Variants in AKAP6 observed in about 807,000 individuals in gnomAD.
AKAP6 encodes A-kinase anchor protein 6.
A neutral mutation model predicts 188.5 loss-of-function variants in AKAP6; 58 were observed. That is an observed-to-expected ratio of 0.31 (90% CI 0.25 to 0.38). AKAP6 has a LOEUF of 0.38. AKAP6 is among the 10% of genes least tolerant of loss of function. The pLI, the probability that AKAP6 is intolerant of heterozygous loss-of-function variation, is 1.00. For missense variants in AKAP6, 2,710 were observed against 2,740.0 expected (o/e 0.99, Z 0.24); for synonymous variants, 989 against 998.6 (o/e 0.99, Z 0.18).
chr14:32,769,199 C>G (rs1011726512), intron 11 of AKAP6, among the ~76,000 whole-genome samples: 1 of 151,594 alleles, frequency 6.6e-6, no homozygotes, highest in African/African-American at 2.4e-5. Flanking sequence ...AGGCACCCAC[C>G]ACCACACCCA....
At chr14:32,595,176 A>G (rs1885642767) in intron 5 of AKAP6, among the ~76,000 whole-genome samples, 1 of 152,040 alleles carries the variant, frequency 6.6e-6, no homozygotes, top group Non-Finnish European at 1.5e-5. Flanking sequence ...TCAACACTAT[A>G]TGCAACAGCT....
Position 32,568,095 on chromosome 14 carries a change from A to G in AKAP6, c.2347-9025A>G, listed in dbSNP as rs1268745453. On this transcript the variant is annotated intron_variant, in intron 4 of 13. Coordinates refer to ENST00000280979, the MANE Select transcript of AKAP6 (RefSeq NM_004274.5). This position sits in a 1 kb window ranked among gnomAD's most constrained non-coding sequence, Gnocchi z 6.2. ...GAGAGCACAGAGTACAGGAAGAATGATCTAAAATAGGGCTCTGATAGGAAT... is the reference window on the plus strand; with the variant it reads ...GAGAGCACAGAGTACAGGAAGAATGGTCTAAAATAGGGCTCTGATAGGAAT... Among the ~76,000 whole-genome samples, 2 of 152,164 alleles carry G rather than the reference A, an allele frequency of 1.3e-5. No homozygotes were observed. The highest frequency in any genetic ancestry group is 2.1e-4 in the South Asian group (1 of 4,828).
intron 2 of AKAP6, among the ~76,000 whole-genome samples, chr14:32,527,459 C>T (rs894283179): frequency 9.9e-5 from 15 of 152,174 alleles, no homozygotes; most frequent in Non-Finnish European, 2.2e-4. Context: ...GAGTTTTCAA[C>T]TCCTTTGGGT....
At chr14:32,506,572 A>T (rs1224490752) in intron 2 of AKAP6, among the ~76,000 whole-genome samples, 1 of 152,148 alleles carries the variant, frequency 6.6e-6, no homozygotes, top group East Asian at 1.9e-4. Flanking sequence ...GTTGGGTGTC[A>T]TGGCTCACAC....
chr14:32,384,496 C>A (rs8012982), intron 1 of AKAP6, among the ~76,000 whole-genome samples: 5,688 of 152,216 alleles, frequency 0.037, 345 homozygotes, highest in African/African-American at 0.13. Context: ...TACAAGAAGT[C>A]ATAGAATCAT....
At chr14:32,439,706 C>A (rs1890506360) in intron 2 of AKAP6, among the ~76,000 whole-genome samples, 1 of 152,140 alleles carries the variant, frequency 6.6e-6, no homozygotes, top group African/African-American at 2.4e-5. Context: ...ATGGGCATAT[C>A]TAAAACATGC....
chr14:32,366,164 C>T (rs574118324), intron 1 of AKAP6, among the ~76,000 whole-genome samples: 1 of 152,160 alleles, frequency 6.6e-6, no homozygotes, highest in Non-Finnish European at 1.5e-5. Flanking sequence ...GTTTGCACCC[C>T]CTCCATGAAG....
chr14:32,674,923 A>T (rs190754114), intron 7 of AKAP6, among the ~76,000 whole-genome samples: 1 of 152,258 alleles, frequency 6.6e-6, no homozygotes, highest in East Asian at 1.9e-4. Context: ...AAATAAAATG[A>T]ATTTTGGGAG....
intron 2 of AKAP6, among the ~76,000 whole-genome samples, chr14:32,489,669 C>A (rs557413714): frequency 1.3e-5 from 2 of 152,294 alleles, no homozygotes; most frequent in South Asian, 2.1e-4. Context: ...GAGAAGAGTA[C>A]GTGGAATACC....
chr14:32,551,954 C>G (rs1191532867), intron 4 of AKAP6, among the ~76,000 whole-genome samples: 1 of 152,106 alleles, frequency 6.6e-6, no homozygotes, highest in Non-Finnish European at 1.5e-5. Flanking sequence ...GCGTGAGCCA[C>G]CACGCCCGGC....
intron 2 of AKAP6, among the ~76,000 whole-genome samples, chr14:32,434,490 GC>G (rs1195637125): frequency 6.6e-6 from 1 of 152,106 alleles, no homozygotes; most frequent in Admixed American, 6.5e-5. Flanking sequence ...GGTGAACCTC[GC>G]CCTGCCATAG....
chr14:32,409,946 A>C (rs1315442785), intron 1 of AKAP6, among the ~76,000 whole-genome samples: 2 of 152,146 alleles, frequency 1.3e-5, no homozygotes, highest in Non-Finnish European at 2.9e-5. Flanking sequence ...GCAAACCATA[A>C]AGTCTCATCA....
chr14:32,570,124 CTTTTTTTTTTT>C (rs60851991), intron 4 of AKAP6, among the ~76,000 whole-genome samples: 3 of 74,852 alleles, frequency 4.0e-5, no homozygotes, highest in African/African-American at 1.6e-4. Context: ...TGTGTGGGAA[CTTTTTTTTTTT>C]TTTTTTTTTT....
intron 1 of AKAP6, among the ~76,000 whole-genome samples, chr14:32,409,440 T>C (rs989714810): frequency 2.6e-5 from 4 of 151,710 alleles, no homozygotes; most frequent in Admixed American, 2.0e-4. Flanking sequence ...TAGACTAGTG[T>C]ATAAAAGTTA....
chr14:32,794,300 C>T (rs1988802), intron 12 of AKAP6, among the ~76,000 whole-genome samples: 73,890 of 151,966 alleles, frequency 0.49, 18,161 homozygotes, highest in Non-Finnish European at 0.5. Context: ...GTGGCTCACA[C>T]CTGTAATCCC....
At chr14:32,531,843 A>C (rs193270473) in intron 2 of AKAP6, among the ~76,000 whole-genome samples, 204 of 152,348 alleles carry the variant, frequency 1.3e-3, no homozygotes, top group Middle Eastern at 3.4e-3. Context: ...AAACTGCTGC[A>C]TAGTGTATAG....
chr14:32,651,794 A>G (rs1484839927), intron 7 of AKAP6, among the ~76,000 whole-genome samples: 1 of 152,196 alleles, frequency 6.6e-6, no homozygotes, highest in African/African-American at 2.4e-5. Flanking sequence ...CCATCATTCA[A>G]ACCATAGTGT....
chr14:32,621,256 G>T (rs1021493206), intron 7 of AKAP6, among the ~76,000 whole-genome samples: 1 of 151,810 alleles, frequency 6.6e-6, no homozygotes, highest in South Asian at 2.1e-4. Context: ...ACTTTCTTGA[G>T]GTGTGGCAAT....
Position 32,822,687 on chromosome 14 carries a change from T to G in AKAP6, c.4874T>G (p.Val1625Gly). Residue 1625 changes from valine (V) to glycine (G), a missense_variant, in exon 13 of 14, where the codon GTT (valine) becomes GGT (glycine). Val to Gly is a moderately radical substitution (Grantham distance 109). Coordinates refer to ENST00000280979, the MANE Select transcript of AKAP6 (RefSeq NM_004274.5). The stretch of plus-strand genomic sequence containing the variant: ...GATATAAGCGTGAGCAGTGGCTCAG[T>G]TGGTGAACTAAGTAAAAGAACATTA... ...SGDISVSSGS[V>G]GELSKRTLDL... The G allele has an allele frequency of 6.2e-7, 1 of 1,614,002 alleles. No individual in the cohort carries two copies. The highest frequency in any genetic ancestry group is 8.5e-7 in the Non-Finnish European group (1 of 1,179,938).
Sources: allele counts gnomAD v4.1 joint callset (sites outside exome capture counted in the v4.1 genomes callset), GRCh38; gene constraint gnomAD v4.1.1; non-coding constraint Gnocchi (gnomAD v3.1); transcripts MANE v1.5; gene names NCBI Gene and HGNC (gene_info 2026-07-23, HGNC 2026-07-21).